The following MAP2K6 variants were observed in gnomAD, a reference collection of about 807,000 sequenced individuals.
The protein encoded by MAP2K6 is mitogen-activated protein kinase kinase 6.
Under a neutral mutation model 53.7 loss-of-function variants are expected in MAP2K6, and 16 were observed. The observed-to-expected ratio is 0.30, with a 90% confidence interval of 0.20 to 0.45. The LOEUF (loss-of-function observed/expected upper bound fraction) is 0.45. Among genes scored for constraint, MAP2K6 ranks in the 20% least tolerant of loss-of-function variants. MAP2K6 has a pLI of 1.00. For missense variants in MAP2K6, 204 were observed against 411.9 expected (o/e 0.50, Z 4.37); for synonymous variants, 132 against 143.1 (o/e 0.92, Z 0.55).
chr17:69,526,459 T>C lies in MAP2K6; in HGVS notation c.742-111T>C, dbSNP rs1910774805. ...TCCTGCCCCCCTACCCCTGGACTTA[T>C]ACTTGAACTTTGCCTTGTGTTTCCT... On this transcript the variant is annotated intron_variant, in intron 9 of 11. Coordinates refer to ENST00000590474, the MANE Select transcript of MAP2K6 (RefSeq NM_002758.4). The C allele has an allele frequency of 1.6e-5, 19 of 1,164,562 alleles. No homozygotes were observed. In the East Asian group the frequency reaches 3.8e-4, roughly 23 times the overall value. 72.1% of individuals were successfully genotyped at this position (1,164,562 alleles called of 1,614,324 possible).
intron 1 of MAP2K6, among the ~76,000 whole-genome samples, chr17:69,491,012 C>T (rs1487242300): frequency 6.6e-6 from 1 of 152,178 alleles, no homozygotes; most frequent in African/African-American, 2.4e-5. Flanking sequence ...AAGATAATAT[C>T]CTCCAGCTCC....
chr17:69,541,372 G>GT (rs1298311158), intron 11 of MAP2K6, among the ~76,000 whole-genome samples: 1 of 152,162 alleles, frequency 6.6e-6, no homozygotes, highest in African/African-American at 2.4e-5. Flanking sequence ...AGTTTGGGTT[G>GT]TTTTTTGTCA....
intron 1 of MAP2K6, among the ~76,000 whole-genome samples, chr17:69,443,819 G>C (rs1906893102): frequency 6.6e-6 from 1 of 152,176 alleles, no homozygotes; most frequent in South Asian, 2.1e-4. Context: ...CACAAAGGAA[G>C]GGGTTGTTGA....
chr17:69,457,124 CCCCAGAG>C (rs1416587911), intron 1 of MAP2K6, among the ~76,000 whole-genome samples: 5 of 152,188 alleles, frequency 3.3e-5, no homozygotes, highest in African/African-American at 1.2e-4. Context: ...AGAGTTCCTA[CCCCAGAG>C]AGACTTCAGC....
chr17:69,465,899 A>G (rs1475601902), intron 1 of MAP2K6, among the ~76,000 whole-genome samples: 2 of 150,440 alleles, frequency 1.3e-5, no homozygotes, highest in Non-Finnish European at 1.5e-5. Flanking sequence ...GATTACAGGC[A>G]TGAGCCACTG....
At chr17:69,523,435 T>C (rs1910592098) in intron 7 of MAP2K6, 79 bp from the exon 8 acceptor site, 1 of 1,579,030 alleles carries the variant, frequency 6.3e-7, no homozygotes, top group Non-Finnish European at 8.7e-7. Context: ...CAAATGGAGA[T>C]TTTAGGCCCT....
chr17:69,414,833 C>A lies in MAP2K6; in HGVS notation c.-152C>A. 3.0e-6 allele frequency: 2 copies of A among 677,400 alleles called. No homozygotes were observed. The highest frequency in any genetic ancestry group is 1.8e-5 in the South Asian group (1 of 54,830). 42.0% of individuals were successfully genotyped at this position (677,400 alleles called of 1,614,324 possible). On this transcript the variant is annotated 5_prime_UTR_variant, in exon 1 of 12. It adds an upstream start codon to the 5' untranslated region. Coordinates refer to ENST00000590474, the MANE Select transcript of MAP2K6 (RefSeq NM_002758.4). ...AGGTGTGCATTTCCATCTTGATTCC[C>A]TGAAAGTCCATCTGCTGCATCGGTC...
chr17:69,448,721 C>G (rs118102066), intron 1 of MAP2K6, among the ~76,000 whole-genome samples: 1 of 152,154 alleles, frequency 6.6e-6, no homozygotes, highest in Admixed American at 6.5e-5. Flanking sequence ...TTTGCGGGGC[C>G]GGATGTCCTC....
intron 1 of MAP2K6, among the ~76,000 whole-genome samples, chr17:69,420,320 A>G (rs1243558814): frequency 1.3e-5 from 2 of 152,186 alleles, no homozygotes; most frequent in African/African-American, 4.8e-5. Context: ...TTGCAGAGAA[A>G]TTTAATCTAA....
At chr17:69,523,447 T>C in intron 7 of MAP2K6, 67 bp from the exon 8 acceptor site, 16 of 1,598,092 alleles carry the variant, frequency 1.0e-5, no homozygotes, top group Non-Finnish European at 1.4e-5. Context: ...TTAGGCCCTC[T>C]GGTGGCAGAG....
At chr17:69,426,291 T>C (rs957254191) in intron 1 of MAP2K6, among the ~76,000 whole-genome samples, 5 of 152,256 alleles carry the variant, frequency 3.3e-5, no homozygotes, top group Admixed American at 1.3e-4. Flanking sequence ...TTGGAAAATC[T>C]ACTTAACCTC....
In MAP2K6 at chr17:69,521,043, T is replaced by C; in HGVS notation, c.484-6T>C. 1 of 1,600,648 alleles carries C rather than the reference T, an allele frequency of 6.2e-7. No individual in the cohort carries two copies. The highest frequency in any genetic ancestry group is 8.5e-7 in the Non-Finnish European group (1 of 1,171,920). The stretch of plus-strand genomic sequence containing the variant: ...TAAATAAATCTATCTTGTGTTTCTC[T>C]TGCAGATTGTAAAAGCATTAGAACA... On this transcript the variant is annotated splice_region_variant and splice_polypyrimidine_tract_variant and intron_variant, in intron 6 of 11. Transcript: ENST00000590474.
intron 11 of MAP2K6, among the ~76,000 whole-genome samples, chr17:69,540,715 T>A: frequency 6.6e-6 from 1 of 152,212 alleles, no homozygotes; most frequent in East Asian, 1.9e-4. Context: ...ACTCTTCTTT[T>A]CCCTTTTCAA....
chr17:69,421,270 A>C (rs1185158626), intron 1 of MAP2K6, among the ~76,000 whole-genome samples: 3 of 152,120 alleles, frequency 2.0e-5, no homozygotes, highest in African/African-American at 4.8e-5. Context: ...TTGCTTAATT[A>C]TTTGGAAGTT....
At chr17:69,440,613 A>T (rs1428820020) in intron 1 of MAP2K6, among the ~76,000 whole-genome samples, 1 of 152,098 alleles carries the variant, frequency 6.6e-6, no homozygotes, top group Non-Finnish European at 1.5e-5. Flanking sequence ...TTTTTTTTAA[A>T]AAAACAGTAG....
chr17:69,465,635 T>TC (rs1027480925), intron 1 of MAP2K6, among the ~76,000 whole-genome samples: 7 of 151,482 alleles, frequency 4.6e-5, no homozygotes, highest in African/African-American at 1.7e-4. Flanking sequence ...TTTTTTTTTT[T>TC]TGAAACAAAG....
intron 1 of MAP2K6, among the ~76,000 whole-genome samples, chr17:69,503,980 C>G (rs1307056094): frequency 6.6e-6 from 1 of 152,180 alleles, no homozygotes; most frequent in Non-Finnish European, 1.5e-5. Context: ...GTACGTCTCA[C>G]CTGCCCCCTC....
intron 1 of MAP2K6, among the ~76,000 whole-genome samples, chr17:69,473,874 A>T (rs1303038181): frequency 6.6e-6 from 1 of 152,200 alleles, no homozygotes; most frequent in Non-Finnish European, 1.5e-5. Context: ...GTTTCTTAGG[A>T]GAGCCTCCCT....
At chr17:69,458,894 C>T (rs1907516860) in intron 1 of MAP2K6, among the ~76,000 whole-genome samples, 1 of 152,218 alleles carries the variant, frequency 6.6e-6, no homozygotes, top group African/African-American at 2.4e-5. Context: ...TCTCAAAAGT[C>T]ACCAGGGACT....
Sources: gnomAD v4.1 joint callset for allele counts (sites outside exome capture counted in the v4.1 genomes callset) on GRCh38, gnomAD v4.1.1 for gene constraint, MANE v1.5 for transcripts, NCBI Gene and HGNC (gene_info 2026-07-23, HGNC 2026-07-21) for gene names.